The following EFCAB11 variants were observed in gnomAD, a reference collection of about 807,000 sequenced individuals.
The protein encoded by EFCAB11 is EF-hand calcium-binding domain-containing protein 11.
A neutral mutation model predicts 23.0 loss-of-function variants in EFCAB11; 14 were observed. That is an observed-to-expected ratio of 0.61 (90% CI 0.40 to 0.95). The LOEUF (loss-of-function observed/expected upper bound fraction) is 0.95. Ranked by LOEUF, EFCAB11 falls within the 40% of genes least tolerant of loss-of-function variation. EFCAB11 has a pLI of 0.00. For missense variants in EFCAB11, 198 were observed against 195.8 expected (o/e 1.01, Z -0.07); for synonymous variants, 65 against 66.6 (o/e 0.98, Z 0.11).
rs929221724 is a variant in EFCAB11, at chr14:89,872,873, A to G, written c.410+58668T>C. Among the ~76,000 whole-genome samples, 8 of 152,114 alleles carry G rather than the reference A, an allele frequency of 5.3e-5. No individual in the cohort carries two copies. In the East Asian group the frequency reaches 1.4e-3, roughly 26 times the overall value. On this transcript the variant is annotated intron_variant, in intron 5 of 5. Transcript: ENST00000316738. ...GATTAGGACACACACACACACACACACAGGGAAGAATATGTGAAGATACAG... is the reference window on the plus strand; with the variant it reads ...GATTAGGACACACACACACACACACGCAGGGAAGAATATGTGAAGATACAG...
intron 5 of EFCAB11, among the ~76,000 whole-genome samples, chr14:89,815,242 C>T (rs920851880): frequency 6.6e-6 from 1 of 152,106 alleles, no homozygotes; most frequent in Non-Finnish European, 1.5e-5. Flanking sequence ...AAAGAAGGCA[C>T]AAAAACTTTT....
At chr14:89,821,749 T>TATA (rs1404064728) in intron 5 of EFCAB11, among the ~76,000 whole-genome samples, 1 of 152,216 alleles carries the variant, frequency 6.6e-6, no homozygotes, top group East Asian at 1.9e-4. Context: ...CCTAACCTAT[T>TATA]TCACACCAGG....
chr14:89,826,241 AT>A (rs1566773558), intron 5 of EFCAB11, among the ~76,000 whole-genome samples: 2 of 152,132 alleles, frequency 1.3e-5, no homozygotes, highest in Non-Finnish European at 2.9e-5. Flanking sequence ...ATGATAACAT[AT>A]TTACTAGAGG....
rs77502175 is a variant in EFCAB11, at chr14:89,931,287, C to T, written c.410+254G>A. 9.4e-4 allele frequency: 404 copies of T among 428,696 alleles called. No individual in the cohort carries two copies. The East Asian group carries it at 0.014, about 15-fold the overall frequency. The allele number at this position is 428,696 out of a possible 1,614,324, so 26.6% of individuals were successfully genotyped here. A position where few individuals can be genotyped will look rare whatever the true frequency, so the allele number is the denominator to read the frequency against. ...GTTCTTTCTTCCTGTTCCTCTCCTG[C>T]CCCTACTCATAAGTGCTTGTATGCA... On this transcript the variant is annotated intron_variant, in intron 5 of 5. Transcript: ENST00000316738.
chr14:89,950,377 AT>A (rs576225831), intron 2 of EFCAB11, among the ~76,000 whole-genome samples: 56 of 152,272 alleles, frequency 3.7e-4, no homozygotes, highest in African/African-American at 1.1e-3. Flanking sequence ...ACTTTATTCC[AT>A]TGACCAAAAC....
At chr14:89,877,372 A>T (rs779284898) in intron 5 of EFCAB11, among the ~76,000 whole-genome samples, 2 of 152,164 alleles carry the variant, frequency 1.3e-5, no homozygotes, top group Non-Finnish European at 2.9e-5. Context: ...TCAAGGTTAC[A>T]TGCAGTGAAA....
At chr14:89,848,647 C>T (rs753136827) in intron 5 of EFCAB11, 2 of 152,280 alleles carry the variant, frequency 1.3e-5, no homozygotes, top group Non-Finnish European at 2.9e-5. Flanking sequence ...CTGGTTGAGT[C>T]CGGGCACAGT....
chr14:89,848,457 T>C (rs546314787), intron 5 of EFCAB11: 1 of 152,268 alleles, frequency 6.6e-6, no homozygotes, highest in East Asian at 1.9e-4. Context: ...AAGGTGACAT[T>C]ACTGAAAAGA....
intron 5 of EFCAB11, among the ~76,000 whole-genome samples, chr14:89,838,251 G>C (rs1887148106): frequency 2.0e-5 from 3 of 152,212 alleles, no homozygotes; most frequent in South Asian, 4.1e-4. Context: ...AGTCATAATA[G>C]AGATTACTAG....
At chr14:89,935,300 A>G (rs570146213) in intron 3 of EFCAB11, among the ~76,000 whole-genome samples, 1 of 152,222 alleles carries the variant, frequency 6.6e-6, no homozygotes, top group Admixed American at 6.5e-5. Context: ...GACAGTAGGC[A>G]TTCATTACAT....
chr14:89,855,349 A>C (rs1245767228), intron 5 of EFCAB11, among the ~76,000 whole-genome samples: 2 of 151,784 alleles, frequency 1.3e-5, no homozygotes, highest in Non-Finnish European at 2.9e-5. Flanking sequence ...GGTGGTGTGC[A>C]CCTGTAGTCC....
At chr14:89,906,213 AAAT>A (rs982114065) in intron 5 of EFCAB11, among the ~76,000 whole-genome samples, 3 of 148,128 alleles carry the variant, frequency 2.0e-5, no homozygotes, top group Admixed American at 6.7e-5. Flanking sequence ...ATAAATAAAT[AAAT>A]AAATTAAAGG....
intron 5 of EFCAB11, among the ~76,000 whole-genome samples, chr14:89,870,467 T>C (rs972942524): frequency 7.9e-5 from 12 of 152,204 alleles, no homozygotes; most frequent in African/African-American, 2.7e-4. Context: ...ATATGACTCA[T>C]AGCAATTCAA....
intron 5 of EFCAB11, among the ~76,000 whole-genome samples, chr14:89,870,659 C>T (rs1247280974): frequency 1.3e-5 from 2 of 151,080 alleles, no homozygotes; most frequent in Non-Finnish European, 2.9e-5. Flanking sequence ...TGGCTGGAAG[C>T]GGTGGCTCAT....
intron 5 of EFCAB11, among the ~76,000 whole-genome samples, chr14:89,865,001 C>T (rs1018603499): frequency 6.6e-6 from 1 of 152,154 alleles, no homozygotes; most frequent in Non-Finnish European, 1.5e-5. Flanking sequence ...GTCCCACAAC[C>T]TTAGAGAGAA....
At chr14:89,799,436 A>G (rs574029801) in intron 5 of EFCAB11, 1 of 152,304 alleles carries the variant, frequency 6.6e-6, no homozygotes, top group East Asian at 1.9e-4. Context: ...CTGAAGAAGG[A>G]AGGTCTCATA....
chr14:89,944,686 C>T (rs1890904080), intron 3 of EFCAB11, among the ~76,000 whole-genome samples: 1 of 152,048 alleles, frequency 6.6e-6, no homozygotes, highest in South Asian at 2.1e-4. Flanking sequence ...AAACATTATT[C>T]TGAATATTTT....
chr14:89,827,547 G>A (rs374173579), intron 5 of EFCAB11, among the ~76,000 whole-genome samples: 1 of 150,936 alleles, frequency 6.6e-6, no homozygotes, highest in African/African-American at 2.4e-5. Flanking sequence ...AGAAGGGTGA[G>A]TTTGGAGCCC....
Position 89,941,681 on chromosome 14 carries a change from G to A in EFCAB11, c.217+8416C>T, listed in dbSNP as rs540143121. Reference sequence around the variant, plus strand: ...TCTTCCCACCTCAGCCTCCCAAGTAGCTGGGAATATAGGTGCATACCGCCA... The same window carrying A: ...TCTTCCCACCTCAGCCTCCCAAGTAACTGGGAATATAGGTGCATACCGCCA... On this transcript the variant is annotated intron_variant, in intron 3 of 5. Coordinates refer to ENST00000316738, the MANE Select transcript of EFCAB11 (RefSeq NM_145231.4). 3.5e-3 allele frequency among the ~76,000 whole-genome samples: 520 copies of A among 150,570 alleles called. 2 individuals carry two copies. The highest frequency in any genetic ancestry group is 0.012 in the African/African-American group (483 of 40,956).
Sources: allele counts gnomAD v4.1 joint callset (sites outside exome capture counted in the v4.1 genomes callset), GRCh38; gene constraint gnomAD v4.1.1; transcripts MANE v1.5; gene names NCBI Gene and HGNC (gene_info 2026-07-23, HGNC 2026-07-21).